QPRT: variants seen among roughly 807,000 people sequenced by gnomAD.
QPRT encodes quinolinate phosphoribosyltransferase.
A neutral mutation model predicts 19.8 loss-of-function variants in QPRT; 17 were observed. The observed-to-expected ratio is 0.86, with a 90% CI of 0.59 to 1.29. The LOEUF is 1.29. QPRT is among the 50% of genes most tolerant of loss of function. The probability of loss-of-function intolerance (pLI) is 0.00; values close to 1 mark genes in which losing one functional copy is unlikely to be tolerated. For missense variants in QPRT, 336 were observed against 405.1 expected (o/e 0.83, Z 1.46); for synonymous variants, 178 against 191.0 (o/e 0.93, Z 0.56).
At chr16:29,693,259 C>A (rs1967406656) in intron 1 of QPRT, among the ~76,000 whole-genome samples, 1 of 152,080 alleles carries the variant, frequency 6.6e-6, no homozygotes, top group Admixed American at 6.6e-5. Flanking sequence ...CATTAACCTT[C>A]CCCACCTCCC....
At chr16:29,695,285 C>A in intron 2 of QPRT, 86 bp downstream of exon 2, 1 of 1,402,516 alleles carries the variant, frequency 7.1e-7, no homozygotes, top group Non-Finnish European at 9.4e-7. Context: ...CCAGCCATGA[C>A]CGGGTGAACA....
chr16:29,693,646 G>A (rs929596747), intron 1 of QPRT, among the ~76,000 whole-genome samples: 2 of 151,902 alleles, frequency 1.3e-5, no homozygotes, highest in Non-Finnish European at 2.9e-5. Flanking sequence ...GAGTGCAGTG[G>A]CGTGACCTCG....
At chr16:29,692,181 C>T (rs1967361915) in intron 1 of QPRT, among the ~76,000 whole-genome samples, 2 of 152,212 alleles carry the variant, frequency 1.3e-5, no homozygotes, top group Admixed American at 1.3e-4. Flanking sequence ...TGCCTCTGCC[C>T]GCAGCCATGC....
intron 1 of QPRT, among the ~76,000 whole-genome samples, chr16:29,682,022 C>A (rs1411850299): frequency 6.6e-6 from 1 of 151,888 alleles, no homozygotes; most frequent in Non-Finnish European, 1.5e-5. Flanking sequence ...GCCACCGCAC[C>A]CGGCCTCTTT....
chr16:29,695,484 CTTTTTT>C (rs962384967), intron 2 of QPRT, among the ~76,000 whole-genome samples: 4 of 93,618 alleles, frequency 4.3e-5, no homozygotes, highest in African/African-American at 1.7e-4. Context: ...CTAATTTTTG[CTTTTTT>C]TTTTTTTTTT....
rs1343657551 is a variant in QPRT at position 29,697,680 on chromosome 16, CA to C, written c.*272del. Reference sequence around the variant, plus strand: ...TAATGAGCACATAGTGAGGGGTCAGCAAATGTCAGAAGTTACCTGGGACAGC... The same window carrying C: ...TAATGAGCACATAGTGAGGGGTCAGCAATGTCAGAAGTTACCTGGGACAGC... On this transcript the variant is annotated 3_prime_UTR_variant, in exon 4 of 4. Coordinates refer to ENST00000395384, the MANE Select transcript of QPRT (RefSeq NM_014298.6). The surrounding 1 kb of genome is among the most constrained non-coding windows in gnomAD (Gnocchi z 4.4). 2.3e-5 allele frequency: 10 copies of C among 438,616 alleles called. No homozygotes were observed. In the South Asian group the frequency reaches 3.8e-4, roughly 16 times the overall value. 27.2% of individuals were successfully genotyped at this position (438,616 alleles called of 1,614,324 possible). A position where few individuals can be genotyped will look rare whatever the true frequency, so the allele number is the denominator to read the frequency against.
chr16:29,682,993 G>A (rs1967053654), intron 1 of QPRT, among the ~76,000 whole-genome samples: 1 of 151,192 alleles, frequency 6.6e-6, no homozygotes, highest in Admixed American at 6.6e-5. Flanking sequence ...AAAGTGCTGG[G>A]ATTACAGGTA....
At chr16:29,689,168 C>T (rs1203771231) in intron 1 of QPRT, among the ~76,000 whole-genome samples, 1 of 151,766 alleles carries the variant, frequency 6.6e-6, no homozygotes, top group Non-Finnish European at 1.5e-5. Flanking sequence ...AATCTCAGCT[C>T]ATTGCAACCT....
chr16:29,684,106 C>G (rs1380813345), intron 1 of QPRT, among the ~76,000 whole-genome samples: 1 of 152,036 alleles, frequency 6.6e-6, no homozygotes, highest in East Asian at 1.9e-4. Context: ...TGGACATGCC[C>G]TGTGGGTTCT....
At chr16:29,682,249 G>C (rs1276884526) in intron 1 of QPRT, among the ~76,000 whole-genome samples, 1 of 151,526 alleles carries the variant, frequency 6.6e-6, no homozygotes, top group Non-Finnish European at 1.5e-5. Context: ...TGTTGCCCAG[G>C]CTGGTCTCAA....
At chr16:29,692,606 A>G (rs1967382918) in intron 1 of QPRT, among the ~76,000 whole-genome samples, 4 of 151,744 alleles carry the variant, frequency 2.6e-5, no homozygotes, top group South Asian at 4.2e-4. Context: ...AGGTGTATAT[A>G]TTTATGGGGT....
At chr16:29,679,648 G>A (rs567957546) in intron 1 of QPRT, among the ~76,000 whole-genome samples, 4 of 152,132 alleles carry the variant, frequency 2.6e-5, no homozygotes, top group Non-Finnish European at 4.4e-5. Flanking sequence ...TCCCTGCCTG[G>A]AGGGAGCTGT....
intron 1 of QPRT, among the ~76,000 whole-genome samples, chr16:29,679,752 C>T (rs542894052): frequency 6.6e-6 from 1 of 152,050 alleles, no homozygotes; most frequent in Non-Finnish European, 1.5e-5. Context: ...TTTAAAGCAG[C>T]CCCAGGGGGC....
At position 29,697,531 on chromosome 16, in the gene QPRT, AC is replaced by A; in HGVS notation, c.*121del. On this transcript the variant is annotated 3_prime_UTR_variant, in exon 4 of 4. Coordinates refer to ENST00000395384, the MANE Select transcript of QPRT (RefSeq NM_014298.6). This position sits in a 1 kb window ranked among gnomAD's most constrained non-coding sequence, Gnocchi z 4.4. Reference sequence around the variant, plus strand: ...CACATTTGGCACTAGCTTGAGCCCAACTCTGGCTCTGCCACCTGCTGCTCCT... The same window carrying A: ...CACATTTGGCACTAGCTTGAGCCCAATCTGGCTCTGCCACCTGCTGCTCCT... 1 of 1,047,212 alleles carries A rather than the reference AC, an allele frequency of 9.5e-7. No individual in the cohort carries two copies. The highest frequency in any genetic ancestry group is 1.4e-6 in the Non-Finnish European group (1 of 739,508). 64.9% of individuals were successfully genotyped at this position (1,047,212 alleles called of 1,614,324 possible).
At chr16:29,696,916 C>A in intron 2 of QPRT, 80 bp from the exon 3 acceptor site, 5 of 1,479,038 alleles carry the variant, frequency 3.4e-6, no homozygotes, top group Non-Finnish European at 4.5e-6. Context: ...CTATCGTCAC[C>A]CTCGCCCTCC....
chr16:29,696,759 C>T lies in QPRT; in HGVS notation c.550-237C>T, dbSNP rs183872850. ...TTGCACCACTGCACTCCAGCCTGGG[C>T]GACAGGTTGAGACCCTGTCTCAAAA... On this transcript the variant is annotated intron_variant, in intron 2 of 3. Coordinates refer to ENST00000395384, the MANE Select transcript of QPRT (RefSeq NM_014298.6). The T allele has an allele frequency of 2.1e-4, 95 of 448,890 alleles. No individual in the cohort carries two copies. The Middle Eastern group carries it at 4.1e-3, about 19-fold the overall frequency. 27.8% of individuals were successfully genotyped at this position (448,890 alleles called of 1,614,324 possible). A position where few individuals can be genotyped will look rare whatever the true frequency, so the allele number is the denominator to read the frequency against.
At position 29,697,689 on chromosome 16, in the gene QPRT, G is replaced by C. The variant is rs1425750196; in HGVS notation, c.*278G>C. ...CATAGTGAGGGGTCAGCAAATGTCA[G>C]AAGTTACCTGGGACAGCCGGGCACG... On this transcript the variant is annotated 3_prime_UTR_variant, in exon 4 of 4. Transcript: ENST00000395384. This position sits in a 1 kb window ranked among gnomAD's most constrained non-coding sequence, Gnocchi z 4.4. 4 of 414,630 alleles carry C rather than the reference G, an allele frequency of 9.6e-6. No homozygotes were observed. The highest frequency in any genetic ancestry group is 1.7e-5 in the Non-Finnish European group (4 of 232,240). 25.7% of individuals were successfully genotyped at this position (414,630 alleles called of 1,614,324 possible).
chr16:29,681,092 C>T (rs549127048), intron 1 of QPRT, among the ~76,000 whole-genome samples: 3 of 152,140 alleles, frequency 2.0e-5, no homozygotes, highest in East Asian at 1.9e-4. Context: ...AACCAGCTCT[C>T]AGGGGTCCCA....
intron 1 of QPRT, among the ~76,000 whole-genome samples, chr16:29,687,907 G>A (rs114552993): frequency 6.6e-6 from 1 of 151,882 alleles, no homozygotes; most frequent in Non-Finnish European, 1.5e-5. Context: ...ACATGAGCCC[G>A]GGAGTTCAAG....
Sources: allele counts gnomAD v4.1 joint callset (sites outside exome capture counted in the v4.1 genomes callset), GRCh38; gene constraint gnomAD v4.1.1; non-coding constraint Gnocchi (gnomAD v3.1); transcripts MANE v1.5; gene names NCBI Gene and HGNC (gene_info 2026-07-23, HGNC 2026-07-21).